Variants in GRIP2 observed in about 807,000 individuals in gnomAD.
GRIP2 encodes glutamate receptor-interacting protein 2.
Under a neutral mutation model 108.3 loss-of-function variants are expected in GRIP2, and 58 were observed. The observed-to-expected ratio is 0.54, with a 90% CI of 0.43 to 0.67. GRIP2 has a LOEUF of 0.67. Ranked by LOEUF, GRIP2 falls within the 30% of genes least tolerant of loss-of-function variation. The pLI, the probability that GRIP2 is intolerant of heterozygous loss-of-function variation, is 0.00. For missense variants in GRIP2, 1,278 were observed against 1,430.6 expected (o/e 0.89, Z 1.72); for synonymous variants, 586 against 598.2 (o/e 0.98, Z 0.30).
upstream of GRIP2, among the ~76,000 whole-genome samples, chr3:14,544,397 C>T (rs1695026612): frequency 6.6e-6 from 1 of 152,174 alleles, no homozygotes; most frequent in African/African-American, 2.4e-5. Context: ...TAGTTGAGAA[C>T]CAAGCCCATG....
At chr3:14,541,244 C>G (rs1694963001), upstream of GRIP2, among the ~76,000 whole-genome samples, 1 of 152,232 alleles carries the variant, frequency 6.6e-6, no homozygotes, top group South Asian at 2.1e-4. Flanking sequence ...CCAGTGTGTG[C>G]TGGCACCAAC....
the GRIP2 span, chr3:14,574,903 A>G: frequency 3.9e-6 from 1 of 256,420 alleles, no homozygotes; most frequent in South Asian, 4.4e-5. Flanking sequence ...TGAAGCATAT[A>G]CGCTGTATTA....
Position 14,506,957 on chromosome 3 carries a change from C to T in GRIP2, c.2242G>A (p.Gly748Ser). Residue 748 changes from glycine to serine, a missense_variant, in exon 19 of 24, where the codon GGC becomes AGC. Coordinates refer to ENST00000621039, the MANE Select transcript of GRIP2 (RefSeq NM_001080423.4). Reference protein sequence around the residue: ...LDRPLLPRKSGSLSETSDADE... With the variant: ...LDRPLLPRKSSSLSETSDADE... ...GCATCACTGGTCTCACTGAGGCTGC[C>T]CGACTTGCGGGGTAGGAGGGGACCT... The T allele has an allele frequency of 6.2e-7, 1 of 1,606,026 alleles. No individual in the cohort carries two copies. Among genetic ancestry groups the T allele is most frequent in the Non-Finnish European group, 8.5e-7 (1 of 1,176,280 alleles).
At position 14,509,310 on chromosome 3, in the gene GRIP2, C is replaced by G. The variant is rs899664127; in HGVS notation, c.2078+510G>C. 5.3e-5 allele frequency among the ~76,000 whole-genome samples: 8 copies of G among 152,358 alleles called. No homozygotes were observed. The South Asian group carries it at 1.7e-3, about 32-fold the overall frequency. On this transcript the variant is annotated intron_variant, in intron 17 of 23. Transcript: ENST00000621039. ...TCGGGGGAGAAGGCTCGGTCTCACC[C>G]ACACTGGGGGTCGGGTTCCATCTCT... is the stretch of plus-strand genomic sequence containing the variant.
chr3:14,573,545 C>G, the GRIP2 span: 13 of 1,470,646 alleles, frequency 8.8e-6, no homozygotes, highest in Non-Finnish European at 1.1e-5. Flanking sequence ...GCATGGCCTC[C>G]TCATGGAAAT....
At chr3:14,544,867 C>T (rs1313899887), upstream of GRIP2, among the ~76,000 whole-genome samples, 1 of 152,222 alleles carries the variant, frequency 6.6e-6, no homozygotes, top group Non-Finnish European at 1.5e-5. Context: ...AGGGGACCCC[C>T]TCTTAGGGGG....
chr3:14,520,210 C>G lies in GRIP2; in HGVS notation c.930G>C (p.Leu310=), dbSNP rs138324831. 2,802 of 1,613,690 alleles carry G rather than the reference C, an allele frequency of 1.7e-3. 33 individuals carry two copies. The African/African-American group carries it at 0.028, about 16-fold the overall frequency. ...TGGCCAGGAGCTTGGTGGCCTCAAG[C>G]AGCGAGCAGTGTTCCATGCTGGTGC... ...IDGTSMEHCS[L]LEATKLLASI... Residue 310 remains leucine, a synonymous_variant, in exon 9 of 24, where the codon CTG becomes CTC. Coordinates refer to ENST00000621039, the MANE Select transcript of GRIP2 (RefSeq NM_001080423.4).
At chr3:14,534,179 C>A (rs1575024570) in intron 1 of GRIP2, among the ~76,000 whole-genome samples, 1 of 152,218 alleles carries the variant, frequency 6.6e-6, no homozygotes, top group East Asian at 1.9e-4. Flanking sequence ...TGGGGGGGAA[C>A]TGAGGCAGCA....
At chr3:14,520,006 C>T (rs1694358984) in intron 9 of GRIP2, 104 bp downstream of exon 9, 1 of 1,104,736 alleles carries the variant, frequency 9.1e-7, no homozygotes, top group Non-Finnish European at 1.3e-6. Flanking sequence ...TGTCCTAGTA[C>T]ATTTTAGCCT....
chr3:14,516,028 C>G (rs1262519318), intron 11 of GRIP2, among the ~76,000 whole-genome samples: 1 of 152,066 alleles, frequency 6.6e-6, no homozygotes, highest in Admixed American at 6.6e-5. Flanking sequence ...TTACTATCAA[C>G]AGCAATAATG....
chr3:14,572,387 C>T, the GRIP2 span, among the ~76,000 whole-genome samples: 11 of 150,522 alleles, frequency 7.3e-5, no homozygotes, highest in Non-Finnish European at 1.0e-4. Flanking sequence ...GCCGAATGGG[C>T]GGATCACGAG....
the GRIP2 span, chr3:14,573,399 A>T: frequency 7.5e-7 from 1 of 1,336,606 alleles, no homozygotes; most frequent in Non-Finnish European, 1.1e-6. Flanking sequence ...CTGGAAGCAG[A>T]TGGACACCAG....
At position 14,521,990 on chromosome 3, in the gene GRIP2, G is replaced by C. The variant is rs111757705; in HGVS notation, c.567-203C>G. Reference sequence around the variant, plus strand: ...GGAGTGGGGAGCTGCATAAAGCAAGGGGGGGATGAAGACAGGATGGGGTGG... The same window carrying C: ...GGAGTGGGGAGCTGCATAAAGCAAGCGGGGGATGAAGACAGGATGGGGTGG... On this transcript the variant is annotated intron_variant, in intron 6 of 23. Transcript: ENST00000621039. The surrounding 1 kb of genome is among the most constrained non-coding windows in gnomAD (Gnocchi z 5.1). 118 of 553,466 alleles carry C rather than the reference G, an allele frequency of 2.1e-4. No homozygotes were observed. In the East Asian group the frequency reaches 3.0e-3, roughly 14 times the overall value. 34.3% of individuals were successfully genotyped at this position (553,466 alleles called of 1,614,324 possible). A position where few individuals can be genotyped will look rare whatever the true frequency, so the allele number is the denominator to read the frequency against.
intron 22 of GRIP2, among the ~76,000 whole-genome samples, 153 bp downstream of exon 22, chr3:14,496,264 C>T (rs1693597955): frequency 1.3e-5 from 2 of 152,208 alleles, no homozygotes; most frequent in Non-Finnish European, 2.9e-5. Context: ...GTGCATGTCA[C>T]CCAAATGATG....
At position 14,507,316 on chromosome 3, in the gene GRIP2, G is replaced by A. The variant is rs896600131; in HGVS notation, c.2218+245C>T. 5.3e-5 allele frequency among the ~76,000 whole-genome samples: 8 copies of A among 152,228 alleles called. No individual in the cohort carries two copies. The highest frequency in any genetic ancestry group is 2.1e-4 in the South Asian group (1 of 4,836). On this transcript the variant is annotated intron_variant, in intron 18 of 23. Transcript: ENST00000621039. This position sits in a 1 kb window ranked among gnomAD's most constrained non-coding sequence, Gnocchi z 4.6. ...AGTTATGGCCATGAAGCATACACAC[G>A]TGAGCACCTTAAGAGGCAGGAAGTA... is the stretch of plus-strand genomic sequence containing the variant.
chr3:14,559,075 G>T (rs1695280388), upstream of GRIP2, among the ~76,000 whole-genome samples: 1 of 152,174 alleles, frequency 6.6e-6, no homozygotes. Flanking sequence ...GCCTGCCCGG[G>T]TTCAAATCCC....
intron 19 of GRIP2, among the ~76,000 whole-genome samples, chr3:14,506,190 C>T (rs548441351): frequency 1.3e-5 from 2 of 152,220 alleles, no homozygotes; most frequent in Admixed American, 6.5e-5. Context: ...CAGGCAAGAA[C>T]GGGCTGGCAG....
At chr3:14,506,210 G>A (rs1693921995) in intron 19 of GRIP2, among the ~76,000 whole-genome samples, 1 of 152,198 alleles carries the variant, frequency 6.6e-6, no homozygotes, top group African/African-American at 2.4e-5. Flanking sequence ...GCCACCTACG[G>A]CCCGTAGAGG....
chr3:14,583,009 C>T, the GRIP2 span, among the ~76,000 whole-genome samples: 1 of 152,212 alleles, frequency 6.6e-6, no homozygotes, highest in Non-Finnish European at 1.5e-5. Flanking sequence ...TAGGTAGACA[C>T]TGACTATGTG....
Sources: gnomAD v4.1 joint callset for allele counts (sites outside exome capture counted in the v4.1 genomes callset) on GRCh38, gnomAD v4.1.1 for gene constraint, Gnocchi (gnomAD v3.1) non-coding constraint, MANE v1.5 for transcripts, NCBI Gene and HGNC (gene_info 2026-07-23, HGNC 2026-07-21) for gene names.